The following CDH5 variants were observed in gnomAD, a reference collection of about 807,000 sequenced individuals.
CDH5 encodes the protein cadherin 5.
In CDH5, 28 loss-of-function variants were observed where a neutral mutation model predicts 62.0. That is an observed-to-expected ratio of 0.45 (90% CI 0.33 to 0.62). The LOEUF (loss-of-function observed/expected upper bound fraction) is 0.62. CDH5 is among the 20% of genes least tolerant of loss of function. The pLI, the probability that CDH5 is intolerant of heterozygous loss-of-function variation, is 0.02. For missense variants in CDH5, 940 were observed against 1,065.1 expected, an observed-to-expected ratio of 0.88 and a Z score of 1.63; for synonymous variants, 464 against 445.8, an observed-to-expected ratio of 1.04 and a Z score of -0.52.
chr16:66,398,074 C>T lies in CDH5; in HGVS notation c.1453C>T (p.Pro485Ser), dbSNP rs779155189. 1.2e-6 allele frequency: 2 copies of T among 1,614,078 alleles called. No individual in the cohort carries two copies. The highest frequency in any genetic ancestry group is 2.7e-5 in the African/African-American group (2 of 74,922). Residue 485 changes from proline (P) to serine (S), a missense_variant, in exon 9 of 12, where the codon CCC (proline) becomes TCC (serine). Coordinates refer to ENST00000341529, the MANE Select transcript of CDH5 (RefSeq NM_001795.5). Reference sequence around the variant, plus strand: ...CCCGGAGTTTGCCAAGCCCTACCAGCCCAAAGTGTGTGAGAACGCTGTCCA... The same window carrying T: ...CCCGGAGTTTGCCAAGCCCTACCAGTCCAAAGTGTGTGAGAACGCTGTCCA... Reference protein sequence around the residue: ...NAPEFAKPYQPKVCENAVHGQ... With the variant: ...NAPEFAKPYQSKVCENAVHGQ...
chr16:66,382,621 C>T (rs1960917675), intron 2 of CDH5, among the ~76,000 whole-genome samples: 1 of 152,172 alleles, frequency 6.6e-6, no homozygotes, highest in African/African-American at 2.4e-5. Flanking sequence ...CAAGGGCTCG[C>T]CCAAGGGTTT....
intron 7 of CDH5, among the ~76,000 whole-genome samples, chr16:66,394,513 T>C (rs1487341714): frequency 6.6e-6 from 1 of 152,182 alleles, no homozygotes; most frequent in African/African-American, 2.4e-5. Context: ...TTATCAAATT[T>C]AATGGCTTTT....
chr16:66,398,209 C>T, intron 9 of CDH5, 103 bp downstream of exon 9: 22 of 1,370,718 alleles, frequency 1.6e-5, no homozygotes, highest in Non-Finnish European at 2.3e-5. Flanking sequence ...GTACAATAGC[C>T]TTGAGGAAAA....
chr16:66,393,390 T>C (rs1348416930), intron 7 of CDH5, among the ~76,000 whole-genome samples: 1 of 152,230 alleles, frequency 6.6e-6, no homozygotes, highest in African/African-American at 2.4e-5. Context: ...GGAAGTATAG[T>C]GGCTTCTCCT....
intron 7 of CDH5, among the ~76,000 whole-genome samples, chr16:66,393,157 T>G (rs376789484): frequency 5.9e-5 from 9 of 152,364 alleles, no homozygotes; most frequent in African/African-American, 2.2e-4. Flanking sequence ...ATAGCTGATT[T>G]TGCCAGCACC....
intron 2 of CDH5, among the ~76,000 whole-genome samples, chr16:66,380,783 GTGA>G (rs201467213): frequency 0.034 from 5,120 of 151,820 alleles, 285 homozygotes; most frequent in African/African-American, 0.12. Flanking sequence ...TGTGATGGTG[GTGA>G]TGATGGTGGT....
intron 10 of CDH5, 79 bp from the exon 11 acceptor site, chr16:66,400,692 G>C: frequency 1.1e-5 from 17 of 1,578,984 alleles, no homozygotes; most frequent in Non-Finnish European, 1.2e-5. Context: ...GGTGCAGTCA[G>C]GGAGGGCTTC....
chr16:66,398,306 GA>G, intron 9 of CDH5, 149 bp from the exon 10 acceptor site: 1 of 776,556 alleles, frequency 1.3e-6, no homozygotes, highest in Non-Finnish European at 2.1e-6. Context: ...GAAGTAGAAA[GA>G]ATGGCTTTAT....
chr16:66,390,350 G>A (rs1394421164), intron 5 of CDH5, 53 bp from the exon 6 acceptor site: 16 of 1,385,052 alleles, frequency 1.2e-5, no homozygotes, highest in South Asian at 2.9e-5. Context: ...AGAGGCAATC[G>A]CCTTGTCTAT....
intron 7 of CDH5, 138 bp from the exon 8 acceptor site, chr16:66,395,921 C>CATTAA: frequency 1.3e-6 from 1 of 764,866 alleles, no homozygotes; most frequent in South Asian, 2.0e-5. Context: ...GTCTGAGTGG[C>CATTAA]AGAGTGCAAT....
intron 7 of CDH5, 29 bp downstream of exon 7, chr16:66,392,412 T>C: frequency 6.2e-7 from 1 of 1,612,634 alleles, no homozygotes; most frequent in Non-Finnish European, 8.5e-7. Flanking sequence ...ATGAGAATGA[T>C]AAGGACAATC....
intron 1 of CDH5, among the ~76,000 whole-genome samples, chr16:66,375,017 G>A (rs1266637713): frequency 6.6e-6 from 1 of 151,870 alleles, no homozygotes; most frequent in Non-Finnish European, 1.5e-5. Flanking sequence ...TCTGAAAAAC[G>A]AGTTCAGGTG....
chr16:66,402,857 G>A lies in CDH5; in HGVS notation c.2043G>A (p.Arg681=), dbSNP rs1412553159. The change falls in exon 12 of 12, where the codon CGG becomes CGA. Residue 681 remains arginine (R), a synonymous_variant. Transcript: ENST00000341529. The stretch of plus-strand genomic sequence containing the variant: ...CCCCGCGGCCCGCGCTGGACGCCCG[G>A]CCTTCCCTCTATGCGCAGGTGCAGA... ...AKPPRPALDA[R]PSLYAQVQKP... The A allele has an allele frequency of 6.2e-7, 1 of 1,604,464 alleles. No homozygotes were observed. Among genetic ancestry groups the A allele is most frequent in the South Asian group, 1.1e-5 (1 of 89,880 alleles).
At chr16:66,391,538 C>T (rs971473325) in intron 6 of CDH5, among the ~76,000 whole-genome samples, 3 of 151,984 alleles carry the variant, frequency 2.0e-5, no homozygotes, top group South Asian at 2.1e-4. Flanking sequence ...TTTGTGAGGC[C>T]GAGGCAGGTG....
chr16:66,378,830 C>T (rs1487235233), intron 1 of CDH5, among the ~76,000 whole-genome samples: 1 of 152,170 alleles, frequency 6.6e-6, no homozygotes, highest in Non-Finnish European at 1.5e-5. Context: ...GGGTCTGGTT[C>T]TGCTGGTGTC....
At chr16:66,382,600 G>A (rs1054425592) in intron 2 of CDH5, among the ~76,000 whole-genome samples, 1 of 152,166 alleles carries the variant, frequency 6.6e-6, no homozygotes, top group African/African-American at 2.4e-5. Flanking sequence ...TAGAAAGTGG[G>A]GGCTACCTTT....
In CDH5 at chr16:66,400,916, C is replaced by T. The variant is rs138873051; in HGVS notation, c.1737C>T (p.Asn579=). The T allele has an allele frequency of 4.6e-5, 75 of 1,614,192 alleles. No homozygotes were observed. The African/African-American group carries it at 6.1e-4, about 13-fold the overall frequency. The change falls in exon 11 of 12, where the codon AAC becomes AAT. Residue 579 remains asparagine (N), a synonymous_variant. Coordinates refer to ENST00000341529, the MANE Select transcript of CDH5 (RefSeq NM_001795.5). ...TGACCGTGGCCGTGTGCAAGTGCAA[C>T]GAGCAGGGCGAGTTCACCTTCTGCG... ...STLTVAVCKC[N]EQGEFTFCED...
intron 2 of CDH5, 97 bp from the exon 3 acceptor site, chr16:66,386,712 C>T (rs1032631415): frequency 3.7e-6 from 4 of 1,083,792 alleles, no homozygotes; most frequent in Non-Finnish European, 5.4e-6. Context: ...CACATACACA[C>T]ATGCACAGGC....
chr16:66,368,475 G>T (rs549568066), intron 1 of CDH5, among the ~76,000 whole-genome samples: 143 of 152,354 alleles, frequency 9.4e-4, no homozygotes, highest in Admixed American at 1.6e-3. Context: ...GGACATGAGG[G>T]CAGGAAGCCA....
Sources: allele counts gnomAD v4.1 joint callset (sites outside exome capture counted in the v4.1 genomes callset), GRCh38; gene constraint gnomAD v4.1.1; transcripts MANE v1.5; gene names NCBI Gene and HGNC (gene_info 2026-07-23, HGNC 2026-07-21).